TNS3: variants seen among roughly 807,000 people sequenced by gnomAD.
TNS3 encodes tensin-3.
TNS3 carries 45 observed loss-of-function variants against 140.9 expected under a neutral mutation model. That is an observed-to-expected ratio of 0.32 (90% CI 0.25 to 0.41). The LOEUF is 0.41. TNS3 is among the 10% of genes least tolerant of loss of function. The probability of loss-of-function intolerance (pLI) is 1.00; values close to 1 mark genes in which losing one functional copy is unlikely to be tolerated. For synonymous variants in TNS3, 815 were observed against 788.4 expected (o/e 1.03, Z -0.56); for missense variants, 1,716 against 1,906.7 (o/e 0.90, Z 1.86).
intron 16 of TNS3, among the ~76,000 whole-genome samples, chr7:47,379,135 G>A (rs181094174): frequency 1.3e-5 from 2 of 152,310 alleles, no homozygotes; most frequent in Admixed American, 1.3e-4. Context: ...TCACATTTGC[G>A]AGGAGGGGAG....
intron 3 of TNS3, among the ~76,000 whole-genome samples, chr7:47,485,482 C>A (rs1376616312): frequency 6.6e-6 from 1 of 152,202 alleles, no homozygotes; most frequent in African/African-American, 2.4e-5. Flanking sequence ...GGAGCTGCAC[C>A]CTCTCTCATA....
chr7:47,505,591 G>A (rs1321911206), intron 3 of TNS3, among the ~76,000 whole-genome samples: 1 of 151,850 alleles, frequency 6.6e-6, no homozygotes, highest in Non-Finnish European at 1.5e-5. Context: ...GGTTCAGGAA[G>A]GGGGCAGCAA....
intron 3 of TNS3, among the ~76,000 whole-genome samples, chr7:47,500,476 C>A (rs368312126): frequency 6.6e-6 from 1 of 152,216 alleles, no homozygotes; most frequent in Non-Finnish European, 1.5e-5. Flanking sequence ...GGGAGCAGAA[C>A]AAGCCTCCTC....
chr7:47,444,710 T>C (rs141528538), intron 4 of TNS3, among the ~76,000 whole-genome samples: 1 of 152,148 alleles, frequency 6.6e-6, no homozygotes, highest in Non-Finnish European at 1.5e-5. Context: ...AGTCTCTGAA[T>C]CCAATTCAGC....
chr7:47,343,010 G>C (rs1009384106), intron 20 of TNS3, among the ~76,000 whole-genome samples: 1 of 152,230 alleles, frequency 6.6e-6, no homozygotes, highest in African/African-American at 2.4e-5. Context: ...TAAAAATCTA[G>C]AAGGCTCACA....
chr7:47,501,092 AGAGAAAGAGAGAAAGG>A (rs1233770454), intron 3 of TNS3, among the ~76,000 whole-genome samples: 1 of 149,526 alleles, frequency 6.7e-6, no homozygotes, highest in African/African-American at 2.5e-5. Flanking sequence ...AAACAGAAAG[AGAGAAAGAGAGAAAGG>A]GAGAAAGGGA....
intron 1 of TNS3, among the ~76,000 whole-genome samples, chr7:47,565,222 C>G (rs542059064): frequency 9.3e-4 from 142 of 151,920 alleles, no homozygotes; most frequent in South Asian, 2.3e-3. Flanking sequence ...GGACTACAGG[C>G]GCCCACCACC....
At chr7:47,365,914 A>G (rs1790672082) in intron 17 of TNS3, among the ~76,000 whole-genome samples, 1 of 152,198 alleles carries the variant, frequency 6.6e-6, no homozygotes, top group South Asian at 2.1e-4. Context: ...ATTGAATTCA[A>G]TCAATTGGAA....
intron 20 of TNS3, among the ~76,000 whole-genome samples, chr7:47,314,371 C>T (rs1787275630): frequency 6.6e-6 from 1 of 152,210 alleles, no homozygotes; most frequent in South Asian, 2.1e-4. Flanking sequence ...GAGAGCGAGG[C>T]AGCGGGAGCC....
At chr7:47,534,345 G>A (rs1799526360) in intron 1 of TNS3, among the ~76,000 whole-genome samples, 2 of 151,870 alleles carry the variant, frequency 1.3e-5, no homozygotes, top group South Asian at 2.1e-4. Flanking sequence ...CATAAGTTCT[G>A]ATACCTACAC....
chr7:47,367,022 C>T (rs943749401), intron 17 of TNS3, among the ~76,000 whole-genome samples: 4 of 152,224 alleles, frequency 2.6e-5, no homozygotes, highest in Admixed American at 1.3e-4. Flanking sequence ...AACACCCCAA[C>T]GTGCCAATGT....
At chr7:47,502,880 G>A (rs1798277934) in intron 3 of TNS3, among the ~76,000 whole-genome samples, 1 of 152,186 alleles carries the variant, frequency 6.6e-6, no homozygotes, top group South Asian at 2.1e-4. Flanking sequence ...TTATATCCAA[G>A]AAGGGTGCAA....
intron 20 of TNS3, among the ~76,000 whole-genome samples, chr7:47,335,257 C>T (rs955732608): frequency 6.6e-6 from 1 of 152,140 alleles, no homozygotes; most frequent in African/African-American, 2.4e-5. Flanking sequence ...ACTGACGCTC[C>T]CGCTTGAGGG....
chr7:47,519,816 C>CTAT (rs1798904815), intron 2 of TNS3, among the ~76,000 whole-genome samples: 2 of 74,824 alleles, frequency 2.7e-5, no homozygotes, highest in African/African-American at 1.1e-4. Flanking sequence ...CCTCACATTT[C>CTAT]TTTTTTTTTT....
At chr7:47,572,853 C>T (rs1328679595) in intron 1 of TNS3, among the ~76,000 whole-genome samples, 1 of 150,166 alleles carries the variant, frequency 6.7e-6, no homozygotes, top group African/African-American at 2.5e-5. Flanking sequence ...AACGAGACTC[C>T]GTCTCAAAAA....
At chr7:47,286,502 G>C (rs1001532492) in intron 27 of TNS3, among the ~76,000 whole-genome samples, 2 of 152,128 alleles carry the variant, frequency 1.3e-5, no homozygotes, top group Admixed American at 6.5e-5. Flanking sequence ...AATGCCACTT[G>C]ACAGGTGCTC....
At chr7:47,582,267 C>T (rs1174791445), upstream of TNS3, 5 of 353,992 alleles carry the variant, frequency 1.4e-5, no homozygotes, top group Non-Finnish European at 2.8e-5. Flanking sequence ...CAGCGCGCCT[C>T]CAGGCGCCCT....
intron 3 of TNS3, among the ~76,000 whole-genome samples, chr7:47,497,253 A>G (rs1159837990): frequency 1.3e-5 from 2 of 152,218 alleles, no homozygotes; most frequent in Non-Finnish European, 2.9e-5. Context: ...CAGTACCACA[A>G]CTGCAGAAAG....
chr7:47,374,056 C>G lies in TNS3; in HGVS notation c.1025-4435G>C, dbSNP rs185046523. Among the ~76,000 whole-genome samples, 43 of 152,304 alleles carry G rather than the reference C, an allele frequency of 2.8e-4. No homozygotes were observed. The East Asian group carries it at 7.1e-3, about 25-fold the overall frequency. On this transcript the variant is annotated intron_variant, in intron 16 of 30. Coordinates refer to ENST00000311160, the MANE Select transcript of TNS3 (RefSeq NM_022748.12). ...GGAGCAGGGCAGCCATCACTACTGA[C>G]CTGGCTGGTCTCCAACTGATAATGA...
Sources: gnomAD v4.1 joint callset for allele counts (sites outside exome capture counted in the v4.1 genomes callset) on GRCh38, gnomAD v4.1.1 for gene constraint, MANE v1.5 for transcripts, NCBI Gene and HGNC (gene_info 2026-07-23, HGNC 2026-07-21) for gene names.